The following PPP2R2C variants were observed in gnomAD, a reference collection of about 807,000 sequenced individuals.
The protein encoded by PPP2R2C is protein phosphatase 2 regulatory subunit Bgamma, also known as protein phosphatase 2, regulatory subunit B, gamma.
Under a neutral mutation model 45.3 loss-of-function variants are expected in PPP2R2C, and 10 were observed. That is an observed-to-expected ratio of 0.22 (90% CI 0.14 to 0.37). The LOEUF (loss-of-function observed/expected upper bound fraction) is 0.37, where lower values mean the gene tolerates loss of function less well. PPP2R2C is among the 10% of genes least tolerant of loss of function. The probability of loss-of-function intolerance (pLI) is 1.00; values close to 1 mark genes in which losing one functional copy is unlikely to be tolerated. For synonymous variants in PPP2R2C, 257 were observed against 245.4 expected, an observed-to-expected ratio of 1.05 and a Z score of -0.44; for missense variants, 308 against 619.7, an observed-to-expected ratio of 0.50 and a Z score of 5.34.
intron 2 of PPP2R2C, among the ~76,000 whole-genome samples, chr4:6,516,999 G>A (rs1288338612): frequency 6.6e-6 from 1 of 152,150 alleles, no homozygotes; most frequent in East Asian, 1.9e-4. Context: ...TATAGACAAG[G>A]CAGAGTTTTC....
At chr4:6,497,233 A>G (rs1011772360) in intron 2 of PPP2R2C, among the ~76,000 whole-genome samples, 3 of 152,178 alleles carry the variant, frequency 2.0e-5, no homozygotes, top group Non-Finnish European at 2.9e-5. Context: ...TTTTCAGAAG[A>G]GAAATAGATG....
intron 1 of PPP2R2C, among the ~76,000 whole-genome samples, chr4:6,456,844 T>G (rs987974130): frequency 6.6e-6 from 1 of 152,200 alleles, no homozygotes; most frequent in Admixed American, 6.5e-5. Flanking sequence ...GGAGGGCCCA[T>G]GCGGTGACCA....
At chr4:6,537,707 C>T (rs369026324) in intron 1 of PPP2R2C, among the ~76,000 whole-genome samples, 17 of 152,162 alleles carry the variant, frequency 1.1e-4, no homozygotes, top group Admixed American at 2.0e-4. Context: ...CCTGCCACCA[C>T]ACCTGGCTAA....
intron 1 of PPP2R2C, among the ~76,000 whole-genome samples, chr4:6,399,887 G>A (rs940580355): frequency 6.6e-5 from 10 of 152,354 alleles, no homozygotes; most frequent in African/African-American, 2.2e-4. Context: ...TGAAACCACT[G>A]GGGGCAGTTG....
At position 6,329,433 on chromosome 4, in the gene PPP2R2C, A is replaced by G. The variant is rs1425071840; in HGVS notation, c.961-80T>C. 35 of 1,266,482 alleles carry G rather than the reference A, an allele frequency of 2.8e-5. No individual in the cohort carries two copies. Among genetic ancestry groups the G allele is most frequent in the Non-Finnish European group, 3.8e-5 (33 of 870,470 alleles). The allele number at this position is 1,266,482 out of a possible 1,614,324, so 78.5% of individuals were successfully genotyped here. A position where few individuals can be genotyped will look rare whatever the true frequency, so the allele number is the denominator to read the frequency against. ...TTCCACAAGAAGGGTCTCAAAGAGC[A>G]GCGAGGGTCTGCATGCCCTGACATG... On this transcript the variant is annotated intron_variant, in intron 7 of 8. Transcript: ENST00000382599. This position sits in a 1 kb window ranked among gnomAD's most constrained non-coding sequence, Gnocchi z 5.8.
chr4:6,497,467 T>C (rs565926681), intron 2 of PPP2R2C, among the ~76,000 whole-genome samples: 5 of 151,618 alleles, frequency 3.3e-5, no homozygotes, highest in African/African-American at 1.2e-4. Context: ...GTTTTCCTTT[T>C]GGAAAAGAAA....
At chr4:6,514,100 T>C (rs1051006035) in intron 2 of PPP2R2C, among the ~76,000 whole-genome samples, 13 of 152,292 alleles carry the variant, frequency 8.5e-5, no homozygotes, top group Middle Eastern at 6.8e-3. Flanking sequence ...GAAAAAATAA[T>C]TTACCGTCCT....
chr4:6,343,796 T>C (rs1463773909), intron 6 of PPP2R2C, among the ~76,000 whole-genome samples: 1 of 152,202 alleles, frequency 6.6e-6, no homozygotes, highest in Non-Finnish European at 1.5e-5. Context: ...GCAGATATAT[T>C]ACATCAACTG....
chr4:6,339,337 G>A (rs1024813082), intron 6 of PPP2R2C, among the ~76,000 whole-genome samples: 16 of 152,196 alleles, frequency 1.1e-4, no homozygotes, highest in African/African-American at 2.4e-4. Context: ...TCATGGCCCC[G>A]CCCTGCTCCC....
chr4:6,500,075 G>A lies in PPP2R2C; in HGVS notation c.49+35196C>T, dbSNP rs936466086. Among the ~76,000 whole-genome samples the A allele has an allele frequency of 3.9e-5, 6 of 152,350 alleles. No individual in the cohort carries two copies. In the South Asian group the frequency reaches 1.2e-3, roughly 32 times the overall value. On this transcript the variant is annotated intron_variant, in intron 2 of 9. Transcript: ENST00000506140. ...ACCACTGTGTCCCCAGGCTAGAAAT[G>A]TTTGTTCCTAACAACACCAGGTCCT...
intron 1 of PPP2R2C, among the ~76,000 whole-genome samples, chr4:6,429,529 T>C (rs1719505892): frequency 6.6e-6 from 1 of 152,080 alleles, no homozygotes; most frequent in Admixed American, 6.5e-5. Flanking sequence ...GTCAACAGTA[T>C]GGGTTGGGGA....
intron 1 of PPP2R2C, among the ~76,000 whole-genome samples, chr4:6,449,307 G>T (rs1393344312): frequency 1.3e-5 from 2 of 152,208 alleles, no homozygotes; most frequent in Admixed American, 1.3e-4. Flanking sequence ...GTCCCAACAA[G>T]ATGAGACCCC....
At chr4:6,483,350 C>T (rs1024083209) in intron 2 of PPP2R2C, among the ~76,000 whole-genome samples, 2 of 152,020 alleles carry the variant, frequency 1.3e-5, no homozygotes, top group Admixed American at 6.6e-5. Context: ...AGATCATATT[C>T]CAAAGTTTCC....
At position 6,324,046 on chromosome 4, in the gene PPP2R2C, CTT is replaced by C. The variant is rs1731746995; in HGVS notation, c.1053-455_1053-454del. On this transcript the variant is annotated intron_variant, in intron 8 of 8. Coordinates refer to ENST00000382599, the MANE Select transcript of PPP2R2C (RefSeq NM_020416.4). This position sits in a 1 kb window ranked among gnomAD's most constrained non-coding sequence, Gnocchi z 4.1. Reference sequence around the variant, plus strand: ...TCTATTCCCCTGTATCTTGGGGTCTCTTATACCCCCTCACATGTCAGCTGCCA... The same window carrying C: ...TCTATTCCCCTGTATCTTGGGGTCTCATACCCCCTCACATGTCAGCTGCCA... 3.3e-5 allele frequency among the ~76,000 whole-genome samples: 5 copies of C among 152,202 alleles called. No homozygotes were observed. The highest frequency in any genetic ancestry group is 3.3e-4 in the Admixed American group (5 of 15,278).
chr4:6,562,071 A>T (rs1193095455), intron 1 of PPP2R2C, among the ~76,000 whole-genome samples: 1 of 152,160 alleles, frequency 6.6e-6, no homozygotes, highest in Non-Finnish European at 1.5e-5. Context: ...AGGTGGGCGG[A>T]AACCCTCACT....
In PPP2R2C at chr4:6,448,373, G is replaced by C. The variant is rs766095860; in HGVS notation, c.70+23787C>G. Among the ~76,000 whole-genome samples, 6 of 152,034 alleles carry C rather than the reference G, an allele frequency of 3.9e-5. No individual in the cohort carries two copies. In the East Asian group the frequency reaches 1.2e-3, roughly 29 times the overall value. On this transcript the variant is annotated intron_variant, in intron 1 of 8. Transcript: ENST00000382599. ...GTCACACGGAGAGGGGTATTGGAGC[G>C]GGATCCAGACCCAGGTCTCCTGACA...
chr4:6,490,473 A>G (rs532918195), intron 2 of PPP2R2C, among the ~76,000 whole-genome samples: 3 of 152,348 alleles, frequency 2.0e-5, no homozygotes, highest in Admixed American at 6.5e-5. Flanking sequence ...CAAATTAAAT[A>G]TCAGGACTAC....
At chr4:6,392,978 C>T (rs769992656) in intron 1 of PPP2R2C, among the ~76,000 whole-genome samples, 8 of 152,148 alleles carry the variant, frequency 5.3e-5, no homozygotes, top group South Asian at 2.1e-4. Flanking sequence ...TCTCAGGCCT[C>T]GCTCCAGGTC....
intron 1 of PPP2R2C, among the ~76,000 whole-genome samples, chr4:6,537,983 T>G (rs937195470): frequency 6.6e-6 from 1 of 152,166 alleles, no homozygotes; most frequent in African/African-American, 2.4e-5. Context: ...GCTGGGGTTA[T>G]GGAGAGTTGG....
Sources: allele counts gnomAD v4.1 joint callset (sites outside exome capture counted in the v4.1 genomes callset), GRCh38; gene constraint gnomAD v4.1.1; non-coding constraint Gnocchi (gnomAD v3.1); transcripts MANE v1.5; gene names NCBI Gene and HGNC (gene_info 2026-07-23, HGNC 2026-07-21).